MUC15: variants seen among roughly 807,000 people sequenced by gnomAD.
The protein encoded by MUC15 is mucin 15, cell surface associated.
In MUC15, 23 loss-of-function variants were observed where a neutral mutation model predicts 24.0. The ratio of observed to expected loss-of-function variants is 0.96; its 90% CI spans 0.69 to 1.36. MUC15 has a LOEUF of 1.36. Among genes scored for constraint, MUC15 ranks in the 40% most tolerant of loss-of-function variants. The probability of loss-of-function intolerance (pLI) is 0.00; values close to 1 mark genes in which losing one functional copy is unlikely to be tolerated. For synonymous variants in MUC15, 151 were observed against 156.3 expected, an observed-to-expected ratio of 0.97 and a Z score of 0.25; for missense variants, 442 against 428.2, an observed-to-expected ratio of 1.03 and a Z score of -0.29.
chr11:26,563,336 T>A, intron 3 of MUC15, 71 bp from the exon 4 acceptor site: 1 of 1,418,254 alleles, frequency 7.1e-7, no homozygotes, highest in Non-Finnish European at 9.5e-7. Flanking sequence ...GCATGTGAAC[T>A]TTCCATATAA....
At chr11:26,565,954 T>C (rs1363107897) in intron 2 of MUC15, 58 bp from the exon 3 acceptor site, 3 of 1,379,610 alleles carry the variant, frequency 2.2e-6, no homozygotes, top group African/African-American at 2.9e-5. Flanking sequence ...AGTTTTTAAA[T>C]GGATCTATAT....
At chr11:26,562,344 G>C (rs1020025250) in intron 4 of MUC15, among the ~76,000 whole-genome samples, 2 of 151,804 alleles carry the variant, frequency 1.3e-5, no homozygotes, top group Admixed American at 1.3e-4. Flanking sequence ...AATTCAGTAA[G>C]ACTTCATCAA....
At position 26,560,043 on chromosome 11, in the gene MUC15, T is replaced by C. The variant is rs941995029; in HGVS notation, c.*1022A>G. 2.9e-6 allele frequency: 1 copy of C among 340,262 alleles called. No individual in the cohort carries two copies. Among genetic ancestry groups the C allele is most frequent in the African/African-American group, 2.1e-5 (1 of 47,472 alleles). 21.1% of individuals were successfully genotyped at this position (340,262 alleles called of 1,614,324 possible). ...TATTTTTTCTACCAAAGGAAGGTGGTAATTAAAAACAAACTGAAACATACT... is the reference window on the plus strand; with the variant it reads ...TATTTTTTCTACCAAAGGAAGGTGGCAATTAAAAACAAACTGAAACATACT... On this transcript the variant is annotated 3_prime_UTR_variant, in exon 5 of 5. Transcript: ENST00000529533.
At chr11:26,570,747 A>G (rs904465419) in intron 1 of MUC15, among the ~76,000 whole-genome samples, 3 of 152,144 alleles carry the variant, frequency 2.0e-5, no homozygotes, top group South Asian at 2.1e-4. Context: ...TCTGTCTGCT[A>G]TGTAGCTAAC....
rs1850207687 is a variant in MUC15, at chr11:26,559,759, C to G, written c.*1306G>C. 5 of 1,609,118 alleles carry G rather than the reference C, an allele frequency of 3.1e-6. No homozygotes were observed. Among genetic ancestry groups the G allele is most frequent in the Non-Finnish European group, 4.2e-6 (5 of 1,176,958 alleles). On this transcript the variant is annotated 3_prime_UTR_variant, in exon 5 of 5. Transcript: ENST00000529533. ...GATAATGGAGGGACAGTCTTCTTTGCTATTTTTATGGCAATATGGGGTAAG... is the reference window on the plus strand; with the variant it reads ...GATAATGGAGGGACAGTCTTCTTTGGTATTTTTATGGCAATATGGGGTAAG...
chr11:26,563,189 G>T lies in MUC15; in HGVS notation c.852C>A (p.Gly284=). 1 of 1,612,286 alleles carries T rather than the reference G, an allele frequency of 6.2e-7. No homozygotes were observed. Among genetic ancestry groups the T allele is most frequent in the Non-Finnish European group, 8.5e-7 (1 of 1,178,906 alleles). ...ILGVSLLTLV[G]YLLCGKRKTD... is the part of the protein sequence containing the mutation. ...TTTTCCTTTTTCCACACAACAAGTA[G>T]CCCACAAGAGTAAGCAATGAGACAC... Residue 284 remains glycine (G), a synonymous_variant, in exon 4 of 5, where the codon GGC becomes GGA. Coordinates refer to ENST00000529533, the MANE Select transcript of MUC15 (RefSeq NM_001135091.2).
chr11:26,566,041 G>A, intron 2 of MUC15, 145 bp from the exon 3 acceptor site: 3 of 886,482 alleles, frequency 3.4e-6, no homozygotes, highest in East Asian at 5.7e-5. Context: ...GCTTATTTTG[G>A]ATTATGTACT....
At position 26,565,881 on chromosome 11, in the gene MUC15, T is replaced by C. The variant is rs780075430; in HGVS notation, c.59A>G (p.Lys20Arg). 6.3e-7 allele frequency: 1 copy of C among 1,576,454 alleles called. No individual in the cohort carries two copies. Among genetic ancestry groups the C allele is most frequent in the South Asian group, 1.2e-5 (1 of 84,100 alleles). Residue 20 changes from lysine to arginine, a missense_variant, in exon 3 of 5, where the codon AAA (lysine) becomes AGA (arginine). Lys to Arg is a conservative substitution (Grantham distance 26). Coordinates refer to ENST00000529533, the MANE Select transcript of MUC15 (RefSeq NM_001135091.2). Reference sequence around the variant, plus strand: ...CATTGTAGGCTTCTTTGGTATTGGTTTTTTTTTAAAGGAATCTGAAAGAAA... The same window carrying C: ...CATTGTAGGCTTCTTTGGTATTGGTCTTTTTTTAAAGGAATCTGAAAGAAA... ...TSRDCYSFKK[K>R]PIPKKPTMLA...
rs1850258499 is a variant in MUC15, at chr11:26,560,827, T to C, written c.*238A>G. ...CAAATATTTTCTACTAAGAAAATAC[T>C]ACTAAAATACAAATTAAGGCTACTT... On this transcript the variant is annotated 3_prime_UTR_variant, in exon 5 of 5. Transcript: ENST00000529533. 2.7e-6 allele frequency: 1 copy of C among 375,704 alleles called. No individual in the cohort carries two copies. Among genetic ancestry groups the C allele is most frequent in the Admixed American group, 4.8e-5 (1 of 20,732 alleles). 23.3% of individuals were successfully genotyped at this position (375,704 alleles called of 1,614,324 possible).
chr11:26,565,888 T>C lies in MUC15; in HGVS notation c.52A>G (p.Lys18Glu). The stretch of plus-strand genomic sequence containing the variant: ...GGCTTCTTTGGTATTGGTTTTTTTT[T>C]AAAGGAATCTGAAAGAAAATAACCA... ...LATSRDCYSF[K>E]KKPIPKKPTM... is the part of the protein sequence containing the mutation. Residue 18 changes from lysine to glutamate, a missense_variant, in exon 3 of 5, where the codon AAA becomes GAA. Transcript: ENST00000529533. 1 of 1,573,444 alleles carries C rather than the reference T, an allele frequency of 6.4e-7. No individual in the cohort carries two copies. Among genetic ancestry groups the C allele is most frequent in the Non-Finnish European group, 8.6e-7 (1 of 1,168,258 alleles).
In MUC15 at chr11:26,567,035, T is replaced by C; in HGVS notation, c.43+17A>G. On this transcript the variant is annotated intron_variant, in intron 2 of 4. Transcript: ENST00000529533. ...TTTGGTTACAAAGTTTACAGTATCA[T>C]CTTATTTGATACTTACAACAATCCC... The C allele has an allele frequency of 6.8e-7, 1 of 1,480,982 alleles. No homozygotes were observed. Among genetic ancestry groups the C allele is most frequent in the South Asian group, 1.4e-5 (1 of 70,122 alleles). 91.7% of individuals were successfully genotyped at this position (1,480,982 alleles called of 1,614,324 possible). A position where few individuals can be genotyped will look rare whatever the true frequency, so the allele number is the denominator to read the frequency against.
chr11:26,566,006 A>G (rs947937812), intron 2 of MUC15, 110 bp from the exon 3 acceptor site: 3 of 1,119,466 alleles, frequency 2.7e-6, no homozygotes, highest in Admixed American at 3.4e-5. Flanking sequence ...TAGAGATGGT[A>G]ATATCATATT....
rs1364913999 is a variant in MUC15, at chr11:26,563,247, ATTCCTGTAT to A, written c.785_793del (p.Asn262_Gly264del). On this transcript the variant is annotated inframe_deletion, in exon 4 of 5. Transcript: ENST00000529533. Reference sequence around the variant, plus strand: ...AGCACCTAAAATGGCCCCGAATACTATTCCTGTATTTCTATTTTCTACAGGACAAAAAAA... The same window carrying A: ...AGCACCTAAAATGGCCCCGAATACTATTCTATTTTCTACAGGACAAAAAAA... The A allele has an allele frequency of 1.9e-6, 3 of 1,601,720 alleles. No individual in the cohort carries two copies. The highest frequency in any genetic ancestry group is 2.6e-6 in the Non-Finnish European group (3 of 1,174,612).
intron 1 of MUC15, among the ~76,000 whole-genome samples, chr11:26,571,292 T>C (rs2134289286): frequency 6.6e-6 from 1 of 152,168 alleles, no homozygotes; most frequent in African/African-American, 2.4e-5. Flanking sequence ...ACAGACTAAA[T>C]AGAAAGTAGA....
At chr11:26,561,546 T>G (rs1590533574) in intron 4 of MUC15, among the ~76,000 whole-genome samples, 1 of 151,972 alleles carries the variant, frequency 6.6e-6, no homozygotes, top group African/African-American at 2.4e-5. Context: ...TTGAATCTTG[T>G]GATTTCAAAG....
intron 4 of MUC15, 86 bp from the exon 5 acceptor site, chr11:26,561,311 C>A: frequency 1.1e-6 from 1 of 943,164 alleles, no homozygotes; most frequent in Non-Finnish European, 1.5e-6. Flanking sequence ...AGGAATTATT[C>A]TAGATGAGAA....
rs910266377 is a variant in MUC15 at position 26,560,075 on chromosome 11, C to T, written c.*990G>A. ...AAACAAACTGAAACATACTAGAATCCAAATTAATCTTCTTATATTATTGAT... is the reference window on the plus strand; with the variant it reads ...AAACAAACTGAAACATACTAGAATCTAAATTAATCTTCTTATATTATTGAT... On this transcript the variant is annotated 3_prime_UTR_variant, in exon 5 of 5. Transcript: ENST00000529533. 47 of 285,294 alleles carry T rather than the reference C, an allele frequency of 1.6e-4. No individual in the cohort carries two copies. Among genetic ancestry groups the T allele is most frequent in the African/African-American group, 9.6e-4 (44 of 45,936 alleles). 17.7% of individuals were successfully genotyped at this position (285,294 alleles called of 1,614,324 possible). A position where few individuals can be genotyped will look rare whatever the true frequency, so the allele number is the denominator to read the frequency against.
Position 26,561,015 on chromosome 11 carries a change from G to T in MUC15, c.*50C>A. ...CTTTTGAAAGATGAATTTGTCAAAA[G>T]GCTAGGATGTAGATGACACTTGCTG... On this transcript the variant is annotated 3_prime_UTR_variant, in exon 5 of 5. Transcript: ENST00000529533. 1.3e-6 allele frequency: 2 copies of T among 1,542,426 alleles called. No homozygotes were observed. The highest frequency in any genetic ancestry group is 1.2e-5 in the South Asian group (1 of 83,014).
chr11:26,569,475 C>A (rs1015217909), intron 1 of MUC15, among the ~76,000 whole-genome samples: 1 of 152,052 alleles, frequency 6.6e-6, no homozygotes, highest in Admixed American at 6.6e-5. Context: ...GCCACTTACT[C>A]AGGTTCCTTT....
Sources: allele counts gnomAD v4.1 joint callset (sites outside exome capture counted in the v4.1 genomes callset), GRCh38; gene constraint gnomAD v4.1.1; transcripts MANE v1.5; gene names NCBI Gene and HGNC (gene_info 2026-07-23, HGNC 2026-07-21).